The following ANKRD27 variants were observed in gnomAD, a reference collection of about 807,000 sequenced individuals.
The protein encoded by ANKRD27 is ankyrin repeat domain 27.
In ANKRD27, 112 loss-of-function variants were observed where a neutral mutation model predicts 129.7. The observed-to-expected ratio is 0.86, with a 90% CI of 0.74 to 1.01. The LOEUF is 1.01. Among genes scored for constraint, ANKRD27 ranks in the 50% least tolerant of loss-of-function variants. The probability of loss-of-function intolerance (pLI) is 0.00; values close to 1 mark genes in which losing one functional copy is unlikely to be tolerated. For missense variants in ANKRD27, 1,258 were observed against 1,300.5 expected, an observed-to-expected ratio of 0.97 and a Z score of 0.50; for synonymous variants, 516 against 511.2, an observed-to-expected ratio of 1.01 and a Z score of -0.13.
chr19:32,609,442 A>T (rs190333786), intron 22 of ANKRD27, among the ~76,000 whole-genome samples: 137 of 152,318 alleles, frequency 9.0e-4, no homozygotes, highest in African/African-American at 3.2e-3. Context: ...TAACAGGTGA[A>T]TGAAACAACA....
chr19:32,658,656 C>T (rs1156522996), intron 2 of ANKRD27, among the ~76,000 whole-genome samples: 1 of 152,144 alleles, frequency 6.6e-6, no homozygotes, highest in Non-Finnish European at 1.5e-5. Context: ...ACTGGGGGTG[C>T]TCCACGAAAG....
chr19:32,656,789 C>CAAA (rs34410291), intron 2 of ANKRD27, among the ~76,000 whole-genome samples: 3 of 137,172 alleles, frequency 2.2e-5, no homozygotes, highest in Admixed American at 7.4e-5. Context: ...GACCTTATCT[C>CAAA]AAAAAAAAAA....
At chr19:32,605,767 G>A (rs1239510819) in intron 24 of ANKRD27, 68 bp downstream of exon 24, 1 of 1,582,888 alleles carries the variant, frequency 6.3e-7, no homozygotes, top group South Asian at 1.1e-5. Context: ...CGCTGCGGGG[G>A]TCGCTGGGTG....
At chr19:32,649,634 C>T in intron 3 of ANKRD27, 48 bp downstream of exon 3, 1 of 1,324,094 alleles carries the variant, frequency 7.6e-7, no homozygotes, top group Non-Finnish European at 1.1e-6. Flanking sequence ...CCCTCTGGCC[C>T]CAAACACCGA....
chr19:32,640,076 C>T (rs1294439210), intron 11 of ANKRD27, among the ~76,000 whole-genome samples: 1 of 152,188 alleles, frequency 6.6e-6, no homozygotes, highest in Non-Finnish European at 1.5e-5. Context: ...ATTCTCCTGC[C>T]TCAGCCTCCT....
intron 12 of ANKRD27, among the ~76,000 whole-genome samples, chr19:32,631,923 C>T (rs1417967266): frequency 1.3e-5 from 2 of 152,234 alleles, no homozygotes; most frequent in African/African-American, 4.8e-5. Context: ...ATTTCACAAG[C>T]TGGTCTCAAT....
intron 1 of ANKRD27, among the ~76,000 whole-genome samples, chr19:32,665,872 G>A (rs964131438): frequency 1.3e-5 from 2 of 151,868 alleles, no homozygotes; most frequent in Non-Finnish European, 2.9e-5. Context: ...AGCAATTCTC[G>A]TACCTCGGCC....
At chr19:32,619,223 G>C (rs1409997355) in intron 20 of ANKRD27, 37 bp downstream of exon 20, 1 of 1,595,924 alleles carries the variant, frequency 6.3e-7, no homozygotes, top group South Asian at 1.1e-5. Context: ...GGGCCGCCAA[G>C]GCCTCCCCTC....
chr19:32,646,796 C>G (rs534942404), intron 3 of ANKRD27, among the ~76,000 whole-genome samples, 181 bp from the exon 4 acceptor site: 31 of 152,130 alleles, frequency 2.0e-4, no homozygotes, highest in Non-Finnish European at 4.0e-4. Flanking sequence ...TCTTTGTTGG[C>G]CTAGTAGCTA....
chr19:32,661,059 T>C (rs10417268), intron 1 of ANKRD27, among the ~76,000 whole-genome samples: 1 of 151,740 alleles, frequency 6.6e-6, no homozygotes, highest in Non-Finnish European at 1.5e-5. Flanking sequence ...AAATTAGCCA[T>C]GTGTGGCAGC....
chr19:32,627,907 C>T (rs1388816929), intron 15 of ANKRD27, among the ~76,000 whole-genome samples, 176 bp downstream of exon 15: 1 of 152,212 alleles, frequency 6.6e-6, no homozygotes, highest in Non-Finnish European at 1.5e-5. Flanking sequence ...GGGTGGCCGT[C>T]GAGGCCTGTG....
At position 32,659,045 on chromosome 19, in the gene ANKRD27, C is replaced by T. The variant is rs755428545; in HGVS notation, c.-30G>A. On this transcript the variant is annotated splice_region_variant and 5_prime_UTR_variant, in exon 2 of 29. Coordinates refer to ENST00000306065, the MANE Select transcript of ANKRD27 (RefSeq NM_032139.3). Reference sequence around the variant, plus strand: ...ACTTCAGATGGGTCAGAGCAAATCTCCTGCAATAAGGGAGGGAAAAGCAGT... The same window carrying T: ...ACTTCAGATGGGTCAGAGCAAATCTTCTGCAATAAGGGAGGGAAAAGCAGT... The T allele has an allele frequency of 6.5e-7, 1 of 1,527,602 alleles. No individual in the cohort carries two copies. The allele number at this position is 1,527,602 out of a possible 1,614,324, so 94.6% of individuals were successfully genotyped here.
chr19:32,602,793 G>C (rs753061636), intron 25 of ANKRD27, among the ~76,000 whole-genome samples: 1 of 152,006 alleles, frequency 6.6e-6, no homozygotes, highest in Non-Finnish European at 1.5e-5. Context: ...GGGAGGCTGA[G>C]GTTGGAGGAT....
In ANKRD27 at chr19:32,607,771, G is replaced by A. The variant is rs1486897508; in HGVS notation, c.2237C>T (p.Ser746Phe). 12 of 1,612,550 alleles carry A rather than the reference G, an allele frequency of 7.4e-6. No individual in the cohort carries two copies. The highest frequency in any genetic ancestry group is 9.3e-6 in the Non-Finnish European group (11 of 1,179,558). The change falls in exon 23 of 29, where the codon TCC becomes TTC. Residue 746 changes from serine to phenylalanine, a missense_variant. Physicochemically the swap from Ser to Phe is radical, Grantham distance 155. Transcript: ENST00000306065. ...GVNVTSQDGSSPLHVAALHGR... is the reference protein window; with the variant it reads ...GVNVTSQDGSFPLHVAALHGR... ...GTGCAGGGCGGCGACATGCAGCGGG[G>A]AGGAGCCGTCCTGGCTGGTCACGTT...
rs779194332 is a variant in ANKRD27, at chr19:32,604,270, G to C, written c.2648C>G (p.Ala883Gly). ...TCGACCCTCTCCACCTACCTGTTCA[G>C]CACAGTCTACAGCCGTGCGCTGCCG... ...NKRQRTAVDC[A>G]EQNSKIMELL... The change falls in exon 25 of 29, where the codon GCT (alanine) becomes GGT (glycine). Residue 883 changes from alanine to glycine, a missense_variant. Transcript: ENST00000306065. 2 of 1,608,286 alleles carry C rather than the reference G, an allele frequency of 1.2e-6. No homozygotes were observed. Among genetic ancestry groups the C allele is most frequent in the Admixed American group, 1.7e-5 (1 of 59,920 alleles).
chr19:32,618,893 A>AGAGC (rs1343440705), intron 20 of ANKRD27, among the ~76,000 whole-genome samples: 1 of 152,248 alleles, frequency 6.6e-6, no homozygotes, highest in Non-Finnish European at 1.5e-5. Context: ...CCTGGGCAAC[A>AGAGC]GAGCGAGACT....
At position 32,607,779 on chromosome 19, in the gene ANKRD27, G is replaced by A. The variant is rs749596281; in HGVS notation, c.2229C>T (p.Asp743=). The A allele has an allele frequency of 5.6e-5, 91 of 1,611,438 alleles. No homozygotes were observed. The highest frequency in any genetic ancestry group is 2.0e-4 in the East Asian group (9 of 44,826). The change falls in exon 23 of 29, where the codon GAC becomes GAT. Residue 743 remains aspartate (D), a synonymous_variant. Transcript: ENST00000306065. ...CGGCGACATGCAGCGGGGAGGAGCCGTCCTGGCTGGTCACGTTCACACCAA... is the reference window on the plus strand; with the variant it reads ...CGGCGACATGCAGCGGGGAGGAGCCATCCTGGCTGGTCACGTTCACACCAA... The part of the protein sequence containing the change: ...SGLGVNVTSQ[D]GSSPLHVAAL...
rs555991277 is a variant in ANKRD27, at chr19:32,611,387, C to T, written c.2176-3555G>A. Among the ~76,000 whole-genome samples the T allele has an allele frequency of 2.2e-4, 34 of 152,274 alleles. No homozygotes were observed. In the South Asian group the frequency reaches 6.6e-3, roughly 30 times the overall value. On this transcript the variant is annotated intron_variant, in intron 22 of 28. Coordinates refer to ENST00000306065, the MANE Select transcript of ANKRD27 (RefSeq NM_032139.3). ...AATTGTGTTCTGGACCATGTGCATC[C>T]AGCAGCAGGGGGCCAGGTCAAAAGG...
chr19:32,598,232 G>C lies in ANKRD27; in HGVS notation c.3066C>G (p.His1022Gln). ...GGGACACGACCGCATCCTCTACCGT[G>C]TGTCTCCGCAGCATCCGTCTGTGTC... ...GPGHRRMLRRHTVEDAVVSQG... is the reference protein window; with the variant it reads ...GPGHRRMLRRQTVEDAVVSQG... Residue 1022 changes from histidine (H) to glutamine (Q), a missense_variant, in exon 29 of 29, where the codon CAC (histidine) becomes CAG (glutamine). Coordinates refer to ENST00000306065, the MANE Select transcript of ANKRD27 (RefSeq NM_032139.3). 6.2e-7 allele frequency: 1 copy of C among 1,614,166 alleles called. No homozygotes were observed. Among genetic ancestry groups the C allele is most frequent in the Non-Finnish European group, 8.5e-7 (1 of 1,180,040 alleles).
Sources: gnomAD v4.1 joint callset for allele counts (sites outside exome capture counted in the v4.1 genomes callset) on GRCh38, gnomAD v4.1.1 for gene constraint, MANE v1.5 for transcripts, NCBI Gene and HGNC (gene_info 2026-07-23, HGNC 2026-07-21) for gene names.